The following SORBS2 variants were observed in gnomAD, a reference collection of about 807,000 sequenced individuals.
SORBS2 encodes the protein sorbin and SH3 domain-containing protein 2.
SORBS2 carries 46 observed loss-of-function variants against 97.7 expected under a neutral mutation model. That is an observed-to-expected ratio of 0.47 (90% CI 0.37 to 0.60). SORBS2 has a LOEUF of 0.60. Among genes scored for constraint, SORBS2 ranks in the 20% least tolerant of loss-of-function variants. The pLI is 0.00. For missense variants in SORBS2, 1,316 were observed against 1,282.3 expected, an observed-to-expected ratio of 1.03 and a Z score of -0.40; for synonymous variants, 476 against 473.4, an observed-to-expected ratio of 1.01 and a Z score of -0.07.
chr4:185,855,367 G>C (rs187912451), intron 1 of SORBS2, among the ~76,000 whole-genome samples: 1 of 152,080 alleles, frequency 6.6e-6, no homozygotes, highest in East Asian at 1.9e-4. Flanking sequence ...CTATTTTGGG[G>C]CTCCACTTAA....
chr4:185,952,477 G>C (rs1174018574), intron 1 of SORBS2, among the ~76,000 whole-genome samples: 1 of 152,170 alleles, frequency 6.6e-6, no homozygotes, highest in African/African-American at 2.4e-5. Flanking sequence ...CTGAGTATTT[G>C]GTCCTTGAGT....
intron 1 of SORBS2, among the ~76,000 whole-genome samples, chr4:185,851,416 AT>A (rs1189536656): frequency 2.0e-5 from 3 of 152,178 alleles, no homozygotes; most frequent in Non-Finnish European, 4.4e-5. Flanking sequence ...GGAAAGGTGG[AT>A]TGACTCACGG....
rs965914665 is a variant in SORBS2 at position 185,812,419 on chromosome 4, C to T, written c.-337-37053G>A. Among the ~76,000 whole-genome samples the T allele has an allele frequency of 2.0e-5, 3 of 152,180 alleles. No individual in the cohort carries two copies. The East Asian group carries it at 5.8e-4, about 29-fold the overall frequency. On this transcript the variant is annotated intron_variant, in intron 1 of 20. Coordinates refer to the SORBS2 transcript ENST00000284776. The stretch of plus-strand genomic sequence containing the variant: ...TCTGTTATCTTTCTACACATTTCAC[C>T]GATAGTGCAAGTGCTCCGATTTTTC...
chr4:185,829,963 A>G (rs1467923626), intron 1 of SORBS2, among the ~76,000 whole-genome samples: 4 of 152,200 alleles, frequency 2.6e-5, no homozygotes, highest in African/African-American at 9.7e-5. Context: ...GAGTATGGGA[A>G]GGATACCTAA....
chr4:185,630,894 GAAAT>G (rs2096895721), intron 4 of SORBS2, among the ~76,000 whole-genome samples: 2 of 152,132 alleles, frequency 1.3e-5, no homozygotes. Context: ...CAGGGACACT[GAAAT>G]AAGAGCTAAA....
chr4:185,920,340 G>T (rs1056924821), intron 1 of SORBS2, among the ~76,000 whole-genome samples: 1 of 152,134 alleles, frequency 6.6e-6, no homozygotes, highest in African/African-American at 2.4e-5. Flanking sequence ...TCTGTCCCAA[G>T]GTTTGTGTAC....
At chr4:185,911,213 G>T (rs946072968) in intron 1 of SORBS2, among the ~76,000 whole-genome samples, 1 of 151,954 alleles carries the variant, frequency 6.6e-6, no homozygotes, top group South Asian at 2.1e-4. Flanking sequence ...TGTCCAAGAG[G>T]CTTCAAAATT....
intron 1 of SORBS2, among the ~76,000 whole-genome samples, chr4:185,906,469 T>C (rs1389224891): frequency 1.3e-5 from 2 of 152,252 alleles, no homozygotes; most frequent in Admixed American, 1.3e-4. Flanking sequence ...GGAAGTTAAT[T>C]AGAGATACTT....
chr4:185,781,647 CTCCAGCGTCCCTTCCATTGCCTCCGGCCT>C, intron 1 of SORBS2, among the ~76,000 whole-genome samples: 3 of 143,076 alleles, frequency 2.1e-5, no homozygotes, highest in South Asian at 2.2e-4. Context: ...CCTCCGGCCT[CTCCAGCGTCCCTTCCATTGCCTCCGGCCT>C]CTCCAGCCTC....
intron 1 of SORBS2, among the ~76,000 whole-genome samples, chr4:185,864,754 C>T (rs2099225840): frequency 6.6e-6 from 1 of 151,802 alleles, no homozygotes; most frequent in Non-Finnish European, 1.5e-5. Context: ...CTACTAAAAA[C>T]ACAAAAAATT....
intron 1 of SORBS2, among the ~76,000 whole-genome samples, chr4:185,892,564 C>T (rs2099243034): frequency 6.6e-6 from 1 of 152,184 alleles, no homozygotes; most frequent in South Asian, 2.1e-4. Context: ...GTGGTGCATA[C>T]ATATCGCAGA....
chr4:185,626,068 C>T (rs539169344), intron 6 of SORBS2, among the ~76,000 whole-genome samples: 6 of 152,322 alleles, frequency 3.9e-5, no homozygotes, highest in African/African-American at 1.4e-4. Flanking sequence ...CCTCACTCTC[C>T]ATCTCAGAAA....
intron 2 of SORBS2, among the ~76,000 whole-genome samples, chr4:185,695,035 A>G (rs1362668481): frequency 6.6e-6 from 1 of 151,622 alleles, no homozygotes; most frequent in Non-Finnish European, 1.5e-5. Flanking sequence ...GGATTATCAG[A>G]CATCTCATTT....
chr4:185,871,064 G>A (rs2149741605), intron 1 of SORBS2, among the ~76,000 whole-genome samples: 1 of 152,232 alleles, frequency 6.6e-6, no homozygotes, highest in African/African-American at 2.4e-5. Flanking sequence ...CAATTAGTAT[G>A]CACCTTTGAA....
chr4:185,624,086 C>T lies in SORBS2; in HGVS notation c.1043G>A (p.Arg348His), dbSNP rs760977220. 6.2e-6 allele frequency: 10 copies of T among 1,614,058 alleles called. No individual in the cohort carries two copies. In the Admixed American group the frequency reaches 1.0e-4, roughly 16 times the overall value. ...CATCTTCAGGAACCCCGGGGCGTTG[C>T]GGGCTGACCTGTGTCTGATCCTTGA... The change falls in exon 7 of 15, where the codon CGC becomes CAC. Residue 348 changes from arginine to histidine, a missense_variant. Coordinates refer to ENST00000418609, the Ensembl canonical transcript of SORBS2.
chr4:185,919,493 A>T lies in SORBS2; in HGVS notation c.-338+36703T>A, dbSNP rs537874736. 37 of 152,210 alleles carry T rather than the reference A, an allele frequency of 2.4e-4. 1 individual carries two copies. Among genetic ancestry groups the T allele is most frequent in the Non-Finnish European group, 3.2e-4 (22 of 68,032 alleles). The allele number at this position is 152,210 out of a possible 1,614,324, so 9.4% of individuals were successfully genotyped here. On this transcript the variant is annotated intron_variant, in intron 1 of 20. Transcript: ENST00000284776. ...GTTTCATGATCTCTGTAATGAGAAT[A>T]ATATTATCTCTTCCCAAGCATTTGA... is the stretch of plus-strand genomic sequence containing the variant.
upstream of SORBS2, among the ~76,000 whole-genome samples, chr4:185,661,246 A>G (rs1561757879): frequency 2.0e-5 from 3 of 151,156 alleles, no homozygotes; most frequent in African/African-American, 7.3e-5. Flanking sequence ...ATTGCACTCC[A>G]GCCTGGGCGA....
intron 1 of SORBS2, among the ~76,000 whole-genome samples, chr4:185,851,085 A>G (rs1256290377): frequency 6.6e-6 from 1 of 152,166 alleles, no homozygotes; most frequent in Non-Finnish European, 1.5e-5. Flanking sequence ...CCATAATCAC[A>G]TGAAGCAATT....
intron 1 of SORBS2, among the ~76,000 whole-genome samples, chr4:185,857,745 G>A (rs545430638): frequency 1.5e-4 from 23 of 152,280 alleles, no homozygotes; most frequent in African/African-American, 4.6e-4. Flanking sequence ...TGTCTTATAC[G>A]GTTGAGATAA....
Sources: gnomAD v4.1 joint callset for allele counts (sites outside exome capture counted in the v4.1 genomes callset) on GRCh38, gnomAD v4.1.1 for gene constraint, MANE v1.5 for transcripts, NCBI Gene and HGNC (gene_info 2026-07-23, HGNC 2026-07-21) for gene names.